The following FMN1 variants were observed in gnomAD, a reference collection of about 807,000 sequenced individuals.
FMN1 encodes formin 1, also known as formin-1.
Under a neutral mutation model 132.4 loss-of-function variants are expected in FMN1, and 110 were observed. The observed-to-expected ratio is 0.83, with a 90% CI of 0.71 to 0.97. The LOEUF (loss-of-function observed/expected upper bound fraction) is 0.97. FMN1 is among the 50% of genes least tolerant of loss of function. The pLI is 0.00. For synonymous variants in FMN1, 722 were observed against 651.7 expected (o/e 1.11, Z -1.64); for missense variants, 1,792 against 1,705.3 (o/e 1.05, Z -0.90).
chr15:32,899,159 A>G (rs1339505956), intron 14 of FMN1, among the ~76,000 whole-genome samples: 1 of 150,732 alleles, frequency 6.6e-6, no homozygotes, highest in Non-Finnish European at 1.5e-5. Context: ...ACAAACAAAA[A>G]AGTTGTGTCC....
At chr15:33,043,161 A>G (rs117844955) in intron 6 of FMN1, among the ~76,000 whole-genome samples, 10 of 81,360 alleles carry the variant, frequency 1.2e-4, no homozygotes, top group Admixed American at 7.2e-4. Flanking sequence ...TGAGAAGCTG[A>G]GCAGCGAGCC....
intron 3 of FMN1, among the ~76,000 whole-genome samples, chr15:33,173,844 G>A (rs768581085): frequency 4.6e-5 from 7 of 152,256 alleles, no homozygotes; most frequent in South Asian, 2.1e-4. Flanking sequence ...CAGGAGAATC[G>A]CTTGAACCCA....
At chr15:32,818,811 C>T (rs1021972403) in intron 17 of FMN1, among the ~76,000 whole-genome samples, 2 of 151,900 alleles carry the variant, frequency 1.3e-5, no homozygotes, top group Admixed American at 6.6e-5. Flanking sequence ...AGATCTCCCT[C>T]GAAATCTGAG....
intron 4 of FMN1, among the ~76,000 whole-genome samples, chr15:33,105,516 ACCAG>A (rs148951702): frequency 1.3e-4 from 20 of 152,244 alleles, no homozygotes; most frequent in African/African-American, 4.6e-4. Context: ...AAGAATCCAG[ACCAG>A]CTGAAATGCT....
intron 5 of FMN1, among the ~76,000 whole-genome samples, chr15:33,077,338 C>A (rs1222972385): frequency 7.5e-6 from 1 of 133,790 alleles, no homozygotes; most frequent in African/African-American, 2.8e-5. Context: ...CCCGGCCCAT[C>A]CTTTTTTTTT....
chr15:32,963,991 GGTATGT>G lies in FMN1; in HGVS notation c.3138+110_3138+115del, dbSNP rs1233635519. ...TATGATACACACACATATATGTATA[GGTATGT>G]GTGTGTGTGTATATACGATACACAC... On this transcript the variant is annotated intron_variant, in intron 9 of 20. Coordinates refer to ENST00000616417, the MANE Select transcript of FMN1 (RefSeq NM_001277313.2). 1.7e-3 allele frequency: 891 copies of G among 519,438 alleles called. 7 individuals carry two copies. The African/African-American group carries it at 0.019, about 11-fold the overall frequency. 32.2% of individuals were successfully genotyped at this position (519,438 alleles called of 1,614,324 possible).
intron 4 of FMN1, among the ~76,000 whole-genome samples, chr15:33,117,722 A>G: frequency 6.6e-6 from 1 of 152,230 alleles, no homozygotes; most frequent in South Asian, 2.1e-4. Context: ...ATTATCTAGC[A>G]AACAACATTT....
intron 17 of FMN1, among the ~76,000 whole-genome samples, 173 bp downstream of exon 17, chr15:32,856,842 G>C (rs1425967829): frequency 1.3e-5 from 2 of 152,190 alleles, no homozygotes. Flanking sequence ...GAAAGCTACA[G>C]GACAACTTTA....
At chr15:32,818,060 G>A (rs932192203) in intron 17 of FMN1, among the ~76,000 whole-genome samples, 2 of 152,110 alleles carry the variant, frequency 1.3e-5, no homozygotes, top group African/African-American at 4.8e-5. Context: ...CAGTGCATAA[G>A]ACTTTCTCTG....
At chr15:32,781,909 G>A (rs943979085) in intron 19 of FMN1, among the ~76,000 whole-genome samples, 2 of 152,098 alleles carry the variant, frequency 1.3e-5, no homozygotes, top group Admixed American at 6.6e-5. Context: ...CCACCCAAAC[G>A]ACTTACATTC....
Position 32,769,539 on chromosome 15 carries a change from T to C in FMN1, c.*4771A>G, listed in dbSNP as rs2056156650. On this transcript the variant is annotated 3_prime_UTR_variant, in exon 21 of 21. Coordinates refer to ENST00000616417, the MANE Select transcript of FMN1 (RefSeq NM_001277313.2). Reference sequence around the variant, plus strand: ...AGAGATGAATATCATTATGTAAGTCTAAAGAAGAAAGATATGCTAAGTCAA... The same window carrying C: ...AGAGATGAATATCATTATGTAAGTCCAAAGAAGAAAGATATGCTAAGTCAA... The C allele has an allele frequency of 6.6e-6, 1 of 152,230 alleles. No homozygotes were observed. Among genetic ancestry groups the C allele is most frequent in the Non-Finnish European group, 1.5e-5 (1 of 68,050 alleles). 9.4% of individuals were successfully genotyped at this position (152,230 alleles called of 1,614,324 possible). A position where few individuals can be genotyped will look rare whatever the true frequency, so the allele number is the denominator to read the frequency against.
chr15:33,167,765 G>A (rs1391204236), intron 3 of FMN1, among the ~76,000 whole-genome samples: 1 of 152,176 alleles, frequency 6.6e-6, no homozygotes, highest in Non-Finnish European at 1.5e-5. Flanking sequence ...AAAAGAAGAT[G>A]TCATTAAGAA....
At position 32,899,978 on chromosome 15, in the gene FMN1, C is replaced by G; in HGVS notation, c.3654+1G>C. On this transcript the variant is annotated splice_donor_variant, in intron 14 of 20. Transcript: ENST00000616417. LOFTEE classifies it high-confidence loss of function. ...GGGAACTTATTATGAAAAATAAATA[C>G]CCGACTTTTGACATCCTTGAGTTTG... 3 of 1,612,168 alleles carry G rather than the reference C, an allele frequency of 1.9e-6. No homozygotes were observed. The highest frequency in any genetic ancestry group is 2.5e-6 in the Non-Finnish European group (3 of 1,179,462).
chr15:32,995,773 A>T (rs559295828), intron 7 of FMN1, among the ~76,000 whole-genome samples: 2 of 152,352 alleles, frequency 1.3e-5, no homozygotes, highest in East Asian at 3.9e-4. Context: ...ACACGCAATT[A>T]TCTTACTCAG....
At chr15:32,792,992 C>T (rs1042501242) in intron 19 of FMN1, among the ~76,000 whole-genome samples, 64 of 152,114 alleles carry the variant, frequency 4.2e-4, no homozygotes, top group African/African-American at 1.4e-3. Flanking sequence ...GCAGCCAAGA[C>T]GTTATCCTTA....
chr15:32,928,298 C>T (rs1231452641), intron 9 of FMN1, among the ~76,000 whole-genome samples: 1 of 151,078 alleles, frequency 6.6e-6, no homozygotes, highest in Non-Finnish European at 1.5e-5. Context: ...AGAAGGTACT[C>T]AGTAATTTTT....
chr15:32,841,748 A>G (rs1284458202), intron 17 of FMN1, among the ~76,000 whole-genome samples: 1 of 152,164 alleles, frequency 6.6e-6, no homozygotes, highest in Non-Finnish European at 1.5e-5. Context: ...AGAATGAGAA[A>G]ATCCTGTTTC....
At chr15:33,132,378 T>C (rs1244460978) in intron 4 of FMN1, among the ~76,000 whole-genome samples, 2 of 152,198 alleles carry the variant, frequency 1.3e-5, no homozygotes, top group Non-Finnish European at 2.9e-5. Context: ...TCAGCTAGTC[T>C]TTCTCAGAAC....
chr15:32,830,617 C>T (rs995050437), intron 17 of FMN1, among the ~76,000 whole-genome samples: 1 of 152,124 alleles, frequency 6.6e-6, no homozygotes, highest in African/African-American at 2.4e-5. Flanking sequence ...GTGAAATAGA[C>T]ATCTTCCCTC....
Sources: allele counts gnomAD v4.1 joint callset (sites outside exome capture counted in the v4.1 genomes callset), GRCh38; gene constraint gnomAD v4.1.1; transcripts MANE v1.5; gene names NCBI Gene and HGNC (gene_info 2026-07-23, HGNC 2026-07-21).